Variants in ERCC1 observed in about 807,000 individuals in gnomAD.
ERCC1 encodes ERCC excision repair 1, endonuclease non-catalytic subunit, also known as DNA excision repair protein ERCC-1.
In ERCC1, 36 loss-of-function variants were observed where a neutral mutation model predicts 37.6. The ratio of observed to expected loss-of-function variants is 0.96; its 90% CI spans 0.73 to 1.26. The LOEUF (loss-of-function observed/expected upper bound fraction) is 1.26, where lower values mean the gene tolerates loss of function less well. Ranked by LOEUF, ERCC1 falls within the 50% of genes most tolerant of loss-of-function variation. ERCC1 has a pLI of 0.00. For missense variants in ERCC1, 349 were observed against 376.5 expected (o/e 0.93, Z 0.60); for synonymous variants, 156 against 162.1 (o/e 0.96, Z 0.28).
At chr19:45,416,756 G>A in intron 6 of ERCC1, 65 bp downstream of exon 6, 1 of 1,231,512 alleles carries the variant, frequency 8.1e-7, no homozygotes, top group South Asian at 1.2e-5. Context: ...TGGGCAGGGT[G>A]GGATGGGGGA....
chr19:45,437,967 G>A (rs1423628700), intron 1 of ERCC1, among the ~76,000 whole-genome samples: 1 of 151,748 alleles, frequency 6.6e-6, no homozygotes, highest in Non-Finnish European at 1.5e-5. Context: ...GAGTGCAGTG[G>A]CACAATCTCG....
At chr19:45,413,788 G>A in intron 8 of ERCC1, 43 bp from the exon 9 acceptor site, 1 of 1,611,032 alleles carries the variant, frequency 6.2e-7, no homozygotes, top group South Asian at 1.1e-5. Flanking sequence ...GAGCACAAAA[G>A]CCTCCCCTGT....
At chr19:45,421,436 G>T in intron 2 of ERCC1, 43 bp from the exon 3 acceptor site, 1 of 1,449,014 alleles carries the variant, frequency 6.9e-7, no homozygotes, top group Non-Finnish European at 9.5e-7. Context: ...GTTGGGGTGA[G>T]CAGAGGACAT....
chr19:45,443,930 A>C (rs1975187073), intron 1 of ERCC1, among the ~76,000 whole-genome samples: 1 of 144,118 alleles, frequency 6.9e-6, no homozygotes, highest in African/African-American at 2.6e-5. Context: ...CGCCCCCCGA[A>C]ACTCTCTGCC....
chr19:45,415,689 G>C, intron 6 of ERCC1: 1 of 374,538 alleles, frequency 2.7e-6, no homozygotes, highest in Non-Finnish European at 5.2e-6. Context: ...CAAAATTCCA[G>C]CCCATCCCCC....
intron 1 of ERCC1, among the ~76,000 whole-genome samples, chr19:45,437,282 G>GTATA (rs72463307): frequency 1.3e-5 from 2 of 150,416 alleles, no homozygotes; most frequent in African/African-American, 4.9e-5. Flanking sequence ...ATGTGTGTGT[G>GTATA]TATATATATA....
At chr19:45,441,667 G>A (rs549736700) in intron 1 of ERCC1, among the ~76,000 whole-genome samples, 7 of 151,436 alleles carry the variant, frequency 4.6e-5, no homozygotes, top group South Asian at 2.1e-4. Context: ...AAGCCACTGC[G>A]TCCAGCCTAA....
chr19:45,428,726 C>T (rs900297829), upstream of ERCC1, among the ~76,000 whole-genome samples: 1 of 152,308 alleles, frequency 6.6e-6, no homozygotes, highest in African/African-American at 2.4e-5. Flanking sequence ...AGCAGCCCGG[C>T]CGAAGGCTCT....
At position 45,408,358 on chromosome 19, in the gene ERCC1, G is replaced by A. The variant is rs1378154645; in HGVS notation, c.*1317C>T. 3 of 1,608,126 alleles carry A rather than the reference G, an allele frequency of 1.9e-6. No individual in the cohort carries two copies. Among genetic ancestry groups the A allele is most frequent in the South Asian group, 2.2e-5 (2 of 90,784 alleles). On this transcript the variant is annotated 3_prime_UTR_variant, in exon 10 of 10. Coordinates refer to ENST00000300853, the MANE Select transcript of ERCC1 (RefSeq NM_001983.4). ...AGCAATCCCTGTCAGGGAGCCCTCTGCAGCCCATCCCAGCAAGTCCCCCAC... is the reference window on the plus strand; with the variant it reads ...AGCAATCCCTGTCAGGGAGCCCTCTACAGCCCATCCCAGCAAGTCCCCCAC...
At position 45,408,970 on chromosome 19, in the gene ERCC1, G is replaced by T. The variant is rs1203910905; in HGVS notation, c.*705C>A. On this transcript the variant is annotated 3_prime_UTR_variant, in exon 10 of 10. Coordinates refer to ENST00000300853, the MANE Select transcript of ERCC1 (RefSeq NM_001983.4). The stretch of plus-strand genomic sequence containing the variant: ...CTACGAAGAAGAGGAAAAAAGAAAA[G>T]GGACAGATGGCAATGATGGAGCCAG... The T allele has an allele frequency of 6.2e-7, 1 of 1,613,958 alleles. No individual in the cohort carries two copies. The highest frequency in any genetic ancestry group is 8.5e-7 in the Non-Finnish European group (1 of 1,180,022).
chr19:45,426,567 AT>A (rs1212508216), upstream of ERCC1, among the ~76,000 whole-genome samples: 2 of 149,664 alleles, frequency 1.3e-5, no homozygotes, highest in Admixed American at 6.7e-5. Context: ...AAAAAAAAAA[AT>A]TTTTTTTGAG....
In ERCC1 at chr19:45,419,193, G is replaced by T. The variant is rs1237369487; in HGVS notation, c.430C>A (p.Arg144Ser). 3 of 1,589,040 alleles carry T rather than the reference G, an allele frequency of 1.9e-6. No homozygotes were observed. Among genetic ancestry groups the T allele is most frequent in the Non-Finnish European group, 2.6e-6 (3 of 1,166,354 alleles). ...QSTCALFLSL[R>S]YHNLHPDYIH... ...TAGTCTGGGTGCAGGTTGTGGTAGC[G>T]GAGGCTGGTGGGGGCAGGGAGCGGG... The change falls in exon 5 of 10, where the codon CGC becomes AGC. Residue 144 changes from arginine to serine, a missense_variant. Transcript: ENST00000300853.
At chr19:45,428,832 G>T (rs915611638), upstream of ERCC1, 2 of 152,132 alleles carry the variant, frequency 1.3e-5, no homozygotes, top group African/African-American at 2.4e-5. Flanking sequence ...CGATCGCGGC[G>T]GGGCCGGGGA....
chr19:45,430,890 G>A (rs897851068), intron 1 of ERCC1, among the ~76,000 whole-genome samples: 1 of 151,850 alleles, frequency 6.6e-6, no homozygotes. Context: ...CTGGGCAACA[G>A]AGCAAGACCT....
rs529916289 is a variant in ERCC1 at position 45,434,138 on chromosome 19, T to TCACACACA, written c.-7-10765_-7-10758dup. ...CAGCCTGGCCAACAGCAAGAATGTC[T>TCACACACA]CACACACACACACACACAAAAAAAA... On this transcript the variant is annotated intron_variant, in intron 1 of 8. Transcript: ENST00000423698. 3.3e-4 allele frequency among the ~76,000 whole-genome samples: 33 copies of TCACACACA among 100,576 alleles called. 1 individual carries two copies. The highest frequency in any genetic ancestry group is 1.6e-3 in the East Asian group (5 of 3,204). 66.0% of individuals were successfully genotyped at this position (100,576 alleles called of 152,430 possible).
rs3212986 is a variant in ERCC1 at position 45,409,478 on chromosome 19, C to A, written c.*197G>T. 413,209 of 1,605,796 alleles carry A rather than the reference C, an allele frequency of 0.26. 54,211 individuals are homozygous for A. The highest frequency in any genetic ancestry group is 0.39 in the Admixed American group (23,160 of 58,978). On this transcript the variant is annotated 3_prime_UTR_variant, in exon 10 of 10. Transcript: ENST00000300853. ...CACAGGCCGGGACAAGAAGCGGAAG[C>A]AGCAGCAGCAGCAGCCTGTGTAGTC...
chr19:45,439,956 G>C (rs1160753406), intron 1 of ERCC1, among the ~76,000 whole-genome samples: 1 of 152,146 alleles, frequency 6.6e-6, no homozygotes, highest in Non-Finnish European at 1.5e-5. Flanking sequence ...GCTCCGAGCC[G>C]AGCCCGAAAT....
intron 3 of ERCC1, 145 bp downstream of exon 3, chr19:45,421,033 C>A: frequency 1.3e-6 from 1 of 755,744 alleles, no homozygotes; most frequent in East Asian, 2.7e-5. Context: ...AACCCACACA[C>A]TGCTGTCGAA....
intron 2 of ERCC1, among the ~76,000 whole-genome samples, chr19:45,422,255 G>A (rs1171361400): frequency 2.0e-5 from 3 of 152,024 alleles, no homozygotes; most frequent in African/African-American, 7.2e-5. Flanking sequence ...CCTGCTCCTT[G>A]CCTCAGAAAC....
Sources: allele counts gnomAD v4.1 joint callset (sites outside exome capture counted in the v4.1 genomes callset), GRCh38; gene constraint gnomAD v4.1.1; transcripts MANE v1.5; gene names NCBI Gene and HGNC (gene_info 2026-07-23, HGNC 2026-07-21).